NLRP5: variants seen among roughly 807,000 people sequenced by gnomAD.
NLRP5 encodes the protein NACHT, LRR and PYD domains-containing protein 5.
In NLRP5, 93 loss-of-function variants were observed where a neutral mutation model predicts 113.1. That is an observed-to-expected ratio of 0.82 (90% confidence interval 0.70 to 0.98). The LOEUF is 0.98. Among genes scored for constraint, NLRP5 ranks in the 50% least tolerant of loss-of-function variants. NLRP5 has a pLI of 0.00. For missense variants in NLRP5, 1,808 were observed against 1,514.3 expected, an observed-to-expected ratio of 1.19 and a Z score of -3.22; for synonymous variants, 751 against 600.7, an observed-to-expected ratio of 1.25 and a Z score of -3.66.
chr19:56,003,034 G>T (rs1444476157), intron 1 of NLRP5, among the ~76,000 whole-genome samples: 1 of 150,274 alleles, frequency 6.7e-6, no homozygotes, highest in Non-Finnish European at 1.5e-5. Flanking sequence ...CAGCCATTGT[G>T]GAAGTCAGTG....
At chr19:55,989,158 G>A in the NLRP5 span, among the ~76,000 whole-genome samples, 3 of 152,252 alleles carry the variant, frequency 2.0e-5, no homozygotes, top group East Asian at 5.8e-4. Flanking sequence ...ATGGGTAATT[G>A]TAAGAATACC....
intron 6 of NLRP5, among the ~76,000 whole-genome samples, chr19:56,026,446 T>C (rs1312045681): frequency 7.8e-6 from 1 of 127,448 alleles, no homozygotes; most frequent in Non-Finnish European, 1.6e-5. Context: ...GAGAATGGGG[T>C]GAACCCAGGA....
At position 56,002,924 on chromosome 19, in the gene NLRP5, T is replaced by A. The variant is rs142975310; in HGVS notation, c.63-792T>A. 4.7e-3 allele frequency among the ~76,000 whole-genome samples: 709 copies of A among 152,190 alleles called. 5 individuals carry two copies. The highest frequency in any genetic ancestry group is 0.014 in the African/African-American group (594 of 41,514). On this transcript the variant is annotated intron_variant, in intron 1 of 14. Coordinates refer to ENST00000390649, the MANE Select transcript of NLRP5 (RefSeq NM_153447.4). ...TATTGTGAATAGTGCCGCTATAAACTAGAATGGCGATCATTAAAAAGTCAG... is the reference window on the plus strand; with the variant it reads ...TATTGTGAATAGTGCCGCTATAAACAAGAATGGCGATCATTAAAAAGTCAG...
intron 13 of NLRP5, among the ~76,000 whole-genome samples, chr19:56,056,557 T>TA (rs200396991): frequency 0.016 from 2,485 of 151,742 alleles, 34 homozygotes; most frequent in Middle Eastern, 0.055. Context: ...ACTCTATTTC[T>TA]AAAAAACAAA....
At position 56,027,790 on chromosome 19, in the gene NLRP5, T is replaced by C. The variant is rs372606356; in HGVS notation, c.1557T>C (p.Cys519=). Residue 519 remains cysteine (C), a synonymous_variant, in exon 7 of 15, where the codon TGT becomes TGC. Coordinates refer to ENST00000390649, the MANE Select transcript of NLRP5 (RefSeq NM_153447.4). ...CCCCTCGAGGCGTGGTCCGGCGCTG[T>C]CTCAATCTGGAGGAAAGAGTTGTCC... The C allele has an allele frequency of 1.4e-5, 23 of 1,613,888 alleles. No individual in the cohort carries two copies. The highest frequency in any genetic ancestry group is 1.7e-5 in the Non-Finnish European group (20 of 1,179,900).
upstream of NLRP5, chr19:55,999,722 TATC>T: frequency 3.7e-6 from 6 of 1,610,652 alleles, no homozygotes; most frequent in Admixed American, 1.7e-5. Context: ...ATGGCGATGT[TATC>T]ATGAAGGTTG....
intron 7 of NLRP5, among the ~76,000 whole-genome samples, chr19:56,030,112 G>A (rs886697197): frequency 2.6e-5 from 4 of 151,102 alleles, no homozygotes; most frequent in South Asian, 2.1e-4. Context: ...GCTCATGCCT[G>A]TAATCCTAGC....
At chr19:56,011,039 C>T (rs1982168205) in intron 3 of NLRP5, among the ~76,000 whole-genome samples, 1 of 151,824 alleles carries the variant, frequency 6.6e-6, no homozygotes. Context: ...ATAGTCCCAG[C>T]TACTTGGGAA....
Position 56,008,789 on chromosome 19 carries a change from A to G in NLRP5, c.444A>G (p.Arg148=), listed in dbSNP as rs934014355. 6.2e-7 allele frequency: 1 copy of G among 1,608,952 alleles called. No homozygotes were observed. Among genetic ancestry groups the G allele is most frequent in the Non-Finnish European group, 8.5e-7 (1 of 1,177,614 alleles). Residue 148 remains arginine, a splice_region_variant and synonymous_variant, in exon 3 of 15, where the codon AGA becomes AGG. Coordinates refer to ENST00000390649, the MANE Select transcript of NLRP5 (RefSeq NM_153447.4). ...TCTCCCTTTTTCTTTGTCTTCCAGG[A>G]CATTCACCAGAAGATCCTGAAGCAA...
At chr19:56,051,318 G>T (rs993137047) in intron 12 of NLRP5, among the ~76,000 whole-genome samples, 19 of 152,146 alleles carry the variant, frequency 1.2e-4, no homozygotes, top group Non-Finnish European at 2.4e-4. Context: ...TCAGCCTCCT[G>T]AGTAGCTGGG....
intron 3 of NLRP5, among the ~76,000 whole-genome samples, chr19:56,015,028 C>T (rs1018202261): frequency 1.3e-5 from 2 of 152,194 alleles, no homozygotes; most frequent in Admixed American, 6.5e-5. Context: ...ATTAAGTCTT[C>T]AACCCATGGA....
chr19:55,995,428 AAT>A (rs770172037), upstream of NLRP5, among the ~76,000 whole-genome samples: 2 of 152,146 alleles, frequency 1.3e-5, no homozygotes, highest in East Asian at 1.9e-4. Flanking sequence ...GTTGGCTATA[AAT>A]ATATGGATTT....
At chr19:55,998,143 G>A (rs1981395663), upstream of NLRP5, among the ~76,000 whole-genome samples, 1 of 152,046 alleles carries the variant, frequency 6.6e-6, no homozygotes, top group Non-Finnish European at 1.5e-5. Context: ...GAATTCCAAA[G>A]ATTGGATTAG....
chr19:56,002,588 T>C (rs1392967890), intron 1 of NLRP5, among the ~76,000 whole-genome samples: 1 of 150,910 alleles, frequency 6.6e-6, no homozygotes, highest in East Asian at 1.9e-4. Context: ...TAGCATTAGG[T>C]ATATCTCCTA....
chr19:56,017,135 T>C (rs1235401841), intron 4 of NLRP5, among the ~76,000 whole-genome samples: 1 of 152,118 alleles, frequency 6.6e-6, no homozygotes, highest in Admixed American at 6.6e-5. Context: ...TTAAGGCTGT[T>C]AGTTGTGACC....
the NLRP5 span, among the ~76,000 whole-genome samples, chr19:55,989,414 G>C: frequency 6.6e-6 from 1 of 152,024 alleles, no homozygotes; most frequent in Non-Finnish European, 1.5e-5. Context: ...CACCACGCCC[G>C]GCTAATTTTC....
intron 9 of NLRP5, among the ~76,000 whole-genome samples, chr19:56,037,636 T>C (rs1983365801): frequency 7.1e-6 from 1 of 141,098 alleles, no homozygotes; most frequent in East Asian, 2.1e-4. Context: ...GAGATTGCAG[T>C]GAGCCAAGAT....
At chr19:56,006,742 A>AAT (rs1555764132) in intron 2 of NLRP5, among the ~76,000 whole-genome samples, 1 of 149,918 alleles carries the variant, frequency 6.7e-6, no homozygotes, top group African/African-American at 2.4e-5. Context: ...TAAAATAAAA[A>AAT]TTTTTTTTTG....
At chr19:56,049,549 C>T (rs988449156) in intron 11 of NLRP5, among the ~76,000 whole-genome samples, 6 of 150,970 alleles carry the variant, frequency 4.0e-5, no homozygotes, top group African/African-American at 1.5e-4. Flanking sequence ...ACCTGGTGAT[C>T]CTCCCGCCTT....
Sources: allele counts gnomAD v4.1 joint callset (sites outside exome capture counted in the v4.1 genomes callset), GRCh38; gene constraint gnomAD v4.1.1; transcripts MANE v1.5; gene names NCBI Gene and HGNC (gene_info 2026-07-23, HGNC 2026-07-21).